The following LMNTD1 variants were observed in gnomAD, a reference collection of about 807,000 sequenced individuals.
LMNTD1 encodes the protein lamin tail domain-containing protein 1.
Under a neutral mutation model 50.9 loss-of-function variants are expected in LMNTD1, and 35 were observed. That is an observed-to-expected ratio of 0.69 (90% CI 0.53 to 0.91). The LOEUF (loss-of-function observed/expected upper bound fraction) is 0.91. Ranked by LOEUF, LMNTD1 falls within the 40% of genes least tolerant of loss-of-function variation. The pLI is 0.00. For missense variants in LMNTD1, 470 were observed against 475.5 expected (o/e 0.99, Z 0.11); for synonymous variants, 153 against 161.9 (o/e 0.94, Z 0.42).
At chr12:25,554,879 C>T (rs1472677072), upstream of LMNTD1, among the ~76,000 whole-genome samples, 2 of 152,142 alleles carry the variant, frequency 1.3e-5, no homozygotes, top group East Asian at 3.9e-4. Context: ...GTCTGGCCAA[C>T]ATGATGAAAC....
intron 9 of LMNTD1, among the ~76,000 whole-genome samples, chr12:25,482,649 G>A (rs888786289): frequency 6.6e-6 from 1 of 151,938 alleles, no homozygotes; most frequent in Non-Finnish European, 1.5e-5. Flanking sequence ...AACAGGAAGT[G>A]GTATCCATCT....
intron 8 of LMNTD1, among the ~76,000 whole-genome samples, chr12:25,511,919 C>T (rs1352627): frequency 0.21 from 31,530 of 152,134 alleles, 3,629 homozygotes; most frequent in East Asian, 0.34. Flanking sequence ...CTTTGCCCCC[C>T]CTCTTTTCAA....
chr12:25,575,674 C>A (rs139877292), intron 1 of LMNTD1, among the ~76,000 whole-genome samples: 7 of 118,276 alleles, frequency 5.9e-5, no homozygotes, highest in African/African-American at 1.8e-4. Context: ...GAGGCAAGAA[C>A]CCTAGCTCTA....
At chr12:25,605,657 A>G (rs2136520369) in intron 1 of LMNTD1, among the ~76,000 whole-genome samples, 1 of 152,276 alleles carries the variant, frequency 6.6e-6, no homozygotes, top group Admixed American at 6.5e-5. Flanking sequence ...AGTTGTAGAT[A>G]TGTGGCATTA....
chr12:25,502,726 A>C (rs7967383), intron 9 of LMNTD1, among the ~76,000 whole-genome samples: 71,034 of 152,092 alleles, frequency 0.47, 17,494 homozygotes, highest in East Asian at 0.57. Flanking sequence ...GGAAGTTGGC[A>C]GTTCAAGGAT....
upstream of LMNTD1, among the ~76,000 whole-genome samples, chr12:25,556,763 C>T (rs1944060613): frequency 6.6e-6 from 1 of 152,122 alleles, no homozygotes; most frequent in African/African-American, 2.4e-5. Flanking sequence ...TGGCAAAATT[C>T]CATATTCTTA....
At chr12:25,601,257 ATC>A (rs1340907381) in intron 1 of LMNTD1, among the ~76,000 whole-genome samples, 2 of 151,892 alleles carry the variant, frequency 1.3e-5, no homozygotes, top group Non-Finnish European at 2.9e-5. Flanking sequence ...AAAACAGTTG[ATC>A]TCAGGAAGTT....
chr12:25,485,614 T>C (rs1440819222), intron 9 of LMNTD1, among the ~76,000 whole-genome samples: 2 of 137,332 alleles, frequency 1.5e-5, no homozygotes, highest in East Asian at 4.1e-4. Flanking sequence ...GCCTAGGTTT[T>C]CTTCTAGGGT....
intron 4 of LMNTD1, among the ~76,000 whole-genome samples, chr12:25,528,550 G>A (rs1027100455): frequency 6.6e-6 from 1 of 152,228 alleles, no homozygotes; most frequent in African/African-American, 2.4e-5. Flanking sequence ...AGCCAAGTCA[G>A]CAACTTCTGC....
Position 25,640,723 on chromosome 12 carries a change from C to T in LMNTD1, c.58+7771G>A, listed in dbSNP as rs1487366904. 4.6e-5 allele frequency among the ~76,000 whole-genome samples: 7 copies of T among 151,440 alleles called. 1 individual carries two copies. The highest frequency in any genetic ancestry group is 7.3e-5 in the African/African-American group (3 of 41,248). ...TCGCCCAGGCCCTGGAGTATAGTGG[C>T]GCAAACTCAGCTCACTACAAGCTCC... is the stretch of plus-strand genomic sequence containing the variant. On this transcript the variant is annotated intron_variant, in intron 1 of 7. Coordinates refer to the LMNTD1 transcript ENST00000445693.
chr12:25,571,435 C>T (rs1439224812), intron 1 of LMNTD1, among the ~76,000 whole-genome samples: 1 of 151,942 alleles, frequency 6.6e-6, no homozygotes, highest in African/African-American at 2.4e-5. Context: ...GCGATCTCGG[C>T]TCACTGCAAG....
At chr12:25,514,070 G>C (rs991155808) in intron 8 of LMNTD1, among the ~76,000 whole-genome samples, 1 of 152,118 alleles carries the variant, frequency 6.6e-6, no homozygotes, top group African/African-American at 2.4e-5. Flanking sequence ...TTCTTGTAAA[G>C]AGGAGTAAAA....
Position 25,560,442 on chromosome 12 carries a change from C to A in LMNTD1, c.59-13888G>T, listed in dbSNP as rs148649096. ...CCAGTACCATGCTGTTTTGGTTACT[C>A]TAGCCTTGTAGTATAGTTTGAAGTC... On this transcript the variant is annotated intron_variant, in intron 1 of 7. Transcript: ENST00000445693. Among the ~76,000 whole-genome samples, 840 of 152,138 alleles carry A rather than the reference C, an allele frequency of 5.5e-3. 23 individuals carry two copies. In the East Asian group the frequency reaches 0.072, roughly 13 times the overall value.
intron 1 of LMNTD1, among the ~76,000 whole-genome samples, chr12:25,638,876 G>A (rs902572933): frequency 5.3e-5 from 8 of 152,058 alleles, no homozygotes; most frequent in African/African-American, 1.9e-4. Context: ...ACAATCTGGA[G>A]AAACAAAGAA....
At chr12:25,638,444 A>G (rs1946883506) in intron 1 of LMNTD1, among the ~76,000 whole-genome samples, 1 of 152,118 alleles carries the variant, frequency 6.6e-6, no homozygotes, top group African/African-American at 2.4e-5. Flanking sequence ...AAAATACTAA[A>G]CAACTTACTA....
intron 1 of LMNTD1, among the ~76,000 whole-genome samples, chr12:25,619,092 C>T (rs1053021084): frequency 3.3e-5 from 5 of 152,034 alleles, no homozygotes; most frequent in Admixed American, 3.3e-4. Flanking sequence ...TTTTCAATTT[C>T]TTTACTGTTA....
intron 1 of LMNTD1, among the ~76,000 whole-genome samples, chr12:25,624,009 A>G (rs1376051241): frequency 6.6e-6 from 1 of 152,156 alleles, no homozygotes; most frequent in East Asian, 1.9e-4. Context: ...ATGTGTGCAC[A>G]TAGGTATTAA....
intron 9 of LMNTD1, among the ~76,000 whole-genome samples, chr12:25,500,413 G>T (rs1939319206): frequency 1.3e-5 from 2 of 152,150 alleles, no homozygotes; most frequent in Non-Finnish European, 2.9e-5. Context: ...TGTTTGGACT[G>T]TCCAGTTTAG....
intron 4 of LMNTD1, 82 bp from the exon 5 acceptor site, chr12:25,527,037 G>T: frequency 1.1e-6 from 1 of 942,158 alleles, no homozygotes; most frequent in Non-Finnish European, 1.6e-6. Flanking sequence ...TTAATAAACT[G>T]CTTGAAAGTT....
Sources: gnomAD v4.1 joint callset for allele counts (sites outside exome capture counted in the v4.1 genomes callset) on GRCh38, gnomAD v4.1.1 for gene constraint, MANE v1.5 for transcripts, NCBI Gene and HGNC (gene_info 2026-07-23, HGNC 2026-07-21) for gene names.